AOPEP: variants seen among roughly 807,000 people sequenced by gnomAD.
AOPEP encodes the protein aminopeptidase O (putative).
Under a neutral mutation model 98.1 loss-of-function variants are expected in AOPEP, and 77 were observed. That is an observed-to-expected ratio of 0.78 (90% CI 0.65 to 0.95). AOPEP has a LOEUF of 0.95. Among genes scored for constraint, AOPEP ranks in the 40% least tolerant of loss-of-function variants. The probability of loss-of-function intolerance (pLI) is 0.00; values close to 1 mark genes in which losing one functional copy is unlikely to be tolerated. For missense variants in AOPEP, 1,024 were observed against 1,024.7 expected, an observed-to-expected ratio of 1.00 and a Z score of 0.01; for synonymous variants, 346 against 365.3, an observed-to-expected ratio of 0.95 and a Z score of 0.60.
chr9:94,819,206 C>T (rs1852406437), intron 5 of AOPEP, among the ~76,000 whole-genome samples: 1 of 152,180 alleles, frequency 6.6e-6, no homozygotes, highest in Non-Finnish European at 1.5e-5. Context: ...AGCCTGTCAG[C>T]TCCTGAAACA....
chr9:95,115,094 C>A, the AOPEP span, among the ~76,000 whole-genome samples: 1 of 152,268 alleles, frequency 6.6e-6, no homozygotes, highest in South Asian at 2.1e-4. Context: ...GGGTGCACCA[C>A]CATGCCCAGC....
At chr9:94,963,481 A>T (rs942782749) in intron 9 of AOPEP, among the ~76,000 whole-genome samples, 1 of 152,126 alleles carries the variant, frequency 6.6e-6, no homozygotes, top group African/African-American at 2.4e-5. Flanking sequence ...TAGGAAATGA[A>T]AAAAAAATTC....
At chr9:94,952,146 G>A (rs1321916002) in intron 7 of AOPEP, among the ~76,000 whole-genome samples, 1 of 152,220 alleles carries the variant, frequency 6.6e-6, no homozygotes, top group African/African-American at 2.4e-5. Flanking sequence ...TGGTCCTCAG[G>A]TGCATAGGGC....
chr9:94,866,976 T>G (rs992380249), intron 5 of AOPEP, among the ~76,000 whole-genome samples: 1 of 152,248 alleles, frequency 6.6e-6, no homozygotes, highest in Admixed American at 6.5e-5. Flanking sequence ...CATTTGGACA[T>G]AAATCTAACC....
chr9:94,753,008 T>G (rs1425068887), intron 1 of AOPEP, among the ~76,000 whole-genome samples: 1 of 152,166 alleles, frequency 6.6e-6, no homozygotes, highest in Non-Finnish European at 1.5e-5. Flanking sequence ...CTTATTTAAG[T>G]AAGTTTAAAT....
chr9:94,855,505 G>C (rs1027193635), intron 5 of AOPEP, among the ~76,000 whole-genome samples: 1 of 151,944 alleles, frequency 6.6e-6, no homozygotes, highest in African/African-American at 2.4e-5. Flanking sequence ...CCTGACCAAC[G>C]TGGAGAAACC....
intron 13 of AOPEP, among the ~76,000 whole-genome samples, chr9:95,039,922 A>G (rs1183532528): frequency 6.6e-6 from 1 of 152,228 alleles, no homozygotes; most frequent in Non-Finnish European, 1.5e-5. Flanking sequence ...TAGTTATTGC[A>G]TGATTGATGT....
intron 1 of AOPEP, among the ~76,000 whole-genome samples, chr9:94,754,788 A>C (rs1402076389): frequency 6.6e-6 from 1 of 152,240 alleles, no homozygotes; most frequent in Non-Finnish European, 1.5e-5. Context: ...GATAAGTTAG[A>C]ATCGTGAGGA....
intron 13 of AOPEP, among the ~76,000 whole-genome samples, chr9:95,012,009 T>C (rs2062565884): frequency 6.6e-6 from 1 of 152,210 alleles, no homozygotes; most frequent in Non-Finnish European, 1.5e-5. Flanking sequence ...ACATTTCCCA[T>C]GTGTCAAGCA....
At chr9:95,005,491 C>T (rs933031330) in intron 12 of AOPEP, 51 bp from the exon 13 acceptor site, 1 of 1,512,492 alleles carries the variant, frequency 6.6e-7, no homozygotes, top group South Asian at 1.1e-5. Flanking sequence ...TGGGGGATGG[C>T]CGTCAGGACC....
intron 11 of AOPEP, among the ~76,000 whole-genome samples, chr9:94,989,609 C>G (rs948018271): frequency 1.6e-5 from 2 of 123,950 alleles, no homozygotes; most frequent in Non-Finnish European, 3.4e-5. Context: ...GTAACCCAAA[C>G]TTTTTTTTTT....
intron 5 of AOPEP, among the ~76,000 whole-genome samples, chr9:94,845,722 T>C (rs10993367): frequency 3.7e-4 from 56 of 152,002 alleles, no homozygotes; most frequent in Non-Finnish European, 6.9e-4. Flanking sequence ...AATTTCAAGA[T>C]TTGGTGCCAT....
chr9:94,899,615 C>T (rs1051046975), intron 5 of AOPEP, among the ~76,000 whole-genome samples: 2 of 151,292 alleles, frequency 1.3e-5, no homozygotes, highest in African/African-American at 2.4e-5. Flanking sequence ...CCAGACGTGG[C>T]GGTGTGCACC....
intron 13 of AOPEP, among the ~76,000 whole-genome samples, chr9:95,035,509 T>G (rs1364979906): frequency 9.5e-5 from 1 of 10,508 alleles, no homozygotes; most frequent in Non-Finnish European, 5.3e-4. Flanking sequence ...TTCAGATAAT[T>G]TTTTTTTTTT....
downstream of AOPEP, among the ~76,000 whole-genome samples, chr9:95,089,430 T>A (rs2070835589): frequency 6.6e-6 from 1 of 152,184 alleles, no homozygotes; most frequent in African/African-American, 2.4e-5. Context: ...AAGAGCAGGA[T>A]GTGGGTGTGC....
At chr9:95,134,605 G>A in the AOPEP span, among the ~76,000 whole-genome samples, 1 of 152,250 alleles carries the variant, frequency 6.6e-6, no homozygotes, top group Non-Finnish European at 1.5e-5. Context: ...CGGGACCATG[G>A]CACCTGCAGG....
At chr9:95,134,228 A>G in the AOPEP span, among the ~76,000 whole-genome samples, 1 of 152,214 alleles carries the variant, frequency 6.6e-6, no homozygotes, top group East Asian at 1.9e-4. Flanking sequence ...AACTGATTCC[A>G]TTAGGATTCC....
In AOPEP at chr9:94,890,813, A is replaced by G. The variant is rs535108861; in HGVS notation, c.1365-33173A>G. Among the ~76,000 whole-genome samples, 5 of 152,312 alleles carry G rather than the reference A, an allele frequency of 3.3e-5. No individual in the cohort carries two copies. The South Asian group carries it at 8.3e-4, about 25-fold the overall frequency. On this transcript the variant is annotated intron_variant, in intron 5 of 16. Transcript: ENST00000375315. The stretch of plus-strand genomic sequence containing the variant: ...TTTCATTCCATTAAGGCCAGAGAAT[A>G]TATTCTCTATGATTTGAATTATTTT...
At chr9:94,748,921 G>C (rs1835094539) in intron 1 of AOPEP, among the ~76,000 whole-genome samples, 1 of 152,162 alleles carries the variant, frequency 6.6e-6, no homozygotes, top group South Asian at 2.1e-4. Flanking sequence ...TAAACTGCCT[G>C]ATATCTCTAC....
Sources: allele counts gnomAD v4.1 joint callset (sites outside exome capture counted in the v4.1 genomes callset), GRCh38; gene constraint gnomAD v4.1.1; transcripts MANE v1.5; gene names NCBI Gene and HGNC (gene_info 2026-07-23, HGNC 2026-07-21).